Variants in SPATA17 observed in about 807,000 individuals in gnomAD.
The protein encoded by SPATA17 is spermatogenesis associated 17.
Under a neutral mutation model 62.2 loss-of-function variants are expected in SPATA17, and 53 were observed. That is an observed-to-expected ratio of 0.85 (90% CI 0.68 to 1.07). The LOEUF (loss-of-function observed/expected upper bound fraction) is 1.07, where lower values mean the gene tolerates loss of function less well. Among genes scored for constraint, SPATA17 ranks in the 50% least tolerant of loss-of-function variants. The pLI is 0.00. For missense variants in SPATA17, 466 were observed against 425.5 expected (o/e 1.10, Z -0.84); for synonymous variants, 146 against 146.8 (o/e 0.99, Z 0.04).
intron 4 of SPATA17, among the ~76,000 whole-genome samples, chr1:217,669,287 T>C (rs899759739): frequency 2.0e-5 from 3 of 152,198 alleles, no homozygotes; most frequent in Non-Finnish European, 4.4e-5. Context: ...CATGTAATTA[T>C]AAATGCTTAT....
intron 8 of SPATA17, among the ~76,000 whole-genome samples, chr1:217,795,255 T>G (rs1258607314): frequency 6.6e-6 from 1 of 151,832 alleles, no homozygotes; most frequent in Admixed American, 6.6e-5. Flanking sequence ...ATACAGTATA[T>G]AGCATTTTGC....
chr1:217,774,524 G>T lies in SPATA17; in HGVS notation c.710G>T (p.Arg237Ile). ...PRSEILPPIN[R>I]KQCQGPFRDI... ...TCTGAAATTCTACCACCTATTAATA[G>T]AAAGCAATGTCAGGTACTAGTTTGC... Residue 237 changes from arginine to isoleucine, a missense_variant, in exon 7 of 11, where the codon AGA becomes ATA. Coordinates refer to ENST00000366933, the MANE Select transcript of SPATA17 (RefSeq NM_138796.4). 6.2e-7 allele frequency: 1 copy of T among 1,613,622 alleles called. No homozygotes were observed. The highest frequency in any genetic ancestry group is 8.5e-7 in the Non-Finnish European group (1 of 1,179,734).
intron 8 of SPATA17, among the ~76,000 whole-genome samples, chr1:217,797,680 A>G (rs1180855085): frequency 6.6e-6 from 1 of 152,106 alleles, no homozygotes; most frequent in African/African-American, 2.4e-5. Flanking sequence ...AATCAATGTC[A>G]TTTACCCATA....
chr1:217,851,242 T>C (rs970454693), intron 9 of SPATA17, among the ~76,000 whole-genome samples: 4 of 152,128 alleles, frequency 2.6e-5, no homozygotes, highest in Admixed American at 2.6e-4. Context: ...CACCATTCAA[T>C]GACAGTTATT....
intron 1 of SPATA17, among the ~76,000 whole-genome samples, chr1:217,633,040 T>C (rs748683877): frequency 5.9e-5 from 9 of 151,868 alleles, no homozygotes; most frequent in African/African-American, 9.7e-5. Context: ...TCTCCTAAAA[T>C]TACAAAAATC....
chr1:217,856,265 T>C (rs1394638950), intron 9 of SPATA17, among the ~76,000 whole-genome samples: 1 of 152,226 alleles, frequency 6.6e-6, no homozygotes, highest in Non-Finnish European at 1.5e-5. Flanking sequence ...TGTTAAGTAC[T>C]TGCTATGTGC....
At chr1:217,793,648 G>T (rs1298705804) in intron 8 of SPATA17, among the ~76,000 whole-genome samples, 1 of 152,144 alleles carries the variant, frequency 6.6e-6, no homozygotes, top group Non-Finnish European at 1.5e-5. Flanking sequence ...ATATGCCCAG[G>T]TGATTCAAAT....
At chr1:217,819,755 G>C (rs1391701659) in intron 9 of SPATA17, among the ~76,000 whole-genome samples, 1 of 151,974 alleles carries the variant, frequency 6.6e-6, no homozygotes, top group Non-Finnish European at 1.5e-5. Context: ...AAGGCTGAAG[G>C]TATGTGTCAT....
Position 217,868,680 on chromosome 1 carries a change from T to G in SPATA17, c.*1661T>G, listed in dbSNP as rs1381851442. Reference sequence around the variant, plus strand: ...TGAGACAATGTTTTTTTTTTTTTTTTTTTTTTTTTTAATTTCTGAGACAGA... The same window carrying G: ...TGAGACAATGTTTTTTTTTTTTTTTGTTTTTTTTTTAATTTCTGAGACAGA... On this transcript the variant is annotated 3_prime_UTR_variant, in exon 11 of 11. Transcript: ENST00000366933. 2 of 149,136 alleles carry G rather than the reference T, an allele frequency of 1.3e-5. No individual in the cohort carries two copies. The highest frequency in any genetic ancestry group is 2.5e-5 in the African/African-American group (1 of 40,548). The allele number at this position is 149,136 out of a possible 1,614,324, so 9.2% of individuals were successfully genotyped here.
chr1:217,636,116 A>G (rs984213743), intron 1 of SPATA17, among the ~76,000 whole-genome samples: 1 of 127,906 alleles, frequency 7.8e-6, no homozygotes, highest in African/African-American at 3.1e-5. Context: ...CTGGCGACAG[A>G]ATGAGACTCC....
intron 4 of SPATA17, among the ~76,000 whole-genome samples, chr1:217,673,074 T>C (rs1204620152): frequency 6.6e-6 from 1 of 152,200 alleles, no homozygotes; most frequent in Non-Finnish European, 1.5e-5. Context: ...AGTGTGTTTG[T>C]TGCAACTTAT....
chr1:217,793,883 C>T (rs1022634808), intron 8 of SPATA17, among the ~76,000 whole-genome samples: 33 of 151,840 alleles, frequency 2.2e-4, no homozygotes, highest in African/African-American at 7.7e-4. Context: ...TGGAAGGCCG[C>T]GGTTGGCAGA....
rs762874923 is a variant in SPATA17 at position 217,741,940 on chromosome 1, A to G, written c.396-35A>G. 3.7e-6 allele frequency: 6 copies of G among 1,612,178 alleles called. No homozygotes were observed. The South Asian group carries it at 6.6e-5, about 18-fold the overall frequency. The stretch of plus-strand genomic sequence containing the variant: ...TGAAAGAATTAAAATGTTAACACAT[A>G]GTATCATAAATAACTGCAGATGGTT... On this transcript the variant is annotated intron_variant, in intron 5 of 10. Transcript: ENST00000366933.
intron 5 of SPATA17, among the ~76,000 whole-genome samples, chr1:217,690,519 A>G (rs1671326963): frequency 7.4e-6 from 1 of 134,344 alleles, no homozygotes; most frequent in Non-Finnish European, 1.6e-5. Flanking sequence ...TTTAAGTTTT[A>G]GGGTACATGT....
At chr1:217,826,392 G>T (rs1571830298) in intron 9 of SPATA17, among the ~76,000 whole-genome samples, 1 of 152,064 alleles carries the variant, frequency 6.6e-6, no homozygotes, top group Non-Finnish European at 1.5e-5. Context: ...AATTTGGGGA[G>T]TACACAATTT....
chr1:217,775,628 G>A (rs1454135685), intron 7 of SPATA17, among the ~76,000 whole-genome samples: 1 of 152,008 alleles, frequency 6.6e-6, no homozygotes, highest in Non-Finnish European at 1.5e-5. Flanking sequence ...CTTGAACTCG[G>A]GAGGCGGAGG....
At chr1:217,735,699 C>A (rs146108853) in intron 5 of SPATA17, among the ~76,000 whole-genome samples, 3 of 152,040 alleles carry the variant, frequency 2.0e-5, no homozygotes, top group African/African-American at 7.2e-5. Context: ...ATCTATGAAG[C>A]CTTCTTACAG....
At chr1:217,648,745 A>T (rs557719249) in intron 1 of SPATA17, 137 bp from the exon 2 acceptor site, 5 of 460,234 alleles carry the variant, frequency 1.1e-5, no homozygotes, top group Non-Finnish European at 1.9e-5. Flanking sequence ...ATTTATTTAT[A>T]CTTTAATGTT....
chr1:217,660,607 C>A (rs1037108789), intron 3 of SPATA17, among the ~76,000 whole-genome samples: 6 of 152,130 alleles, frequency 3.9e-5, no homozygotes, highest in African/African-American at 1.4e-4. Flanking sequence ...GTGTTGTGAG[C>A]AGATGGGATA....
Sources: gnomAD v4.1 joint callset for allele counts (sites outside exome capture counted in the v4.1 genomes callset) on GRCh38, gnomAD v4.1.1 for gene constraint, MANE v1.5 for transcripts, NCBI Gene and HGNC (gene_info 2026-07-23, HGNC 2026-07-21) for gene names.